RBBP5: variants seen among roughly 807,000 people sequenced by gnomAD.
The protein encoded by RBBP5 is retinoblastoma-binding protein 5.
In RBBP5, 5 loss-of-function variants were observed where a neutral mutation model predicts 72.2. The ratio of observed to expected loss-of-function variants is 0.07; its 90% CI spans 0.04 to 0.15. The LOEUF (loss-of-function observed/expected upper bound fraction) is 0.15. RBBP5 is among the 10% of genes least tolerant of loss of function. RBBP5 has a pLI of 1.00. For missense variants in RBBP5, 322 were observed against 652.2 expected (o/e 0.49, Z 5.51); for synonymous variants, 209 against 237.2 (o/e 0.88, Z 1.09).
chr1:205,089,300 C>T (rs1041095921), intron 13 of RBBP5, among the ~76,000 whole-genome samples: 5 of 152,138 alleles, frequency 3.3e-5, no homozygotes, highest in African/African-American at 1.2e-4. Flanking sequence ...ACCTTAGAAT[C>T]CCAAATATGG....
chr1:205,088,876 G>A, intron 13 of RBBP5, 61 bp from the exon 14 acceptor site: 1 of 1,440,914 alleles, frequency 6.9e-7, no homozygotes, highest in Middle Eastern at 1.7e-4. Flanking sequence ...TTACTTGTAA[G>A]AACAGAAATA....
At chr1:205,093,476 AAAAATATATATATATATATATATAT>A (rs1325177626) in intron 13 of RBBP5, among the ~76,000 whole-genome samples, 1 of 6,928 alleles carries the variant, frequency 1.4e-4, no homozygotes, top group Non-Finnish European at 3.2e-4. Context: ...AAAAAAAAAA[AAAAATATATATATATATATATATAT>A]ATATATATAT....
Position 205,103,940 on chromosome 1 carries a change from C to A in RBBP5, c.439G>T (p.Val147Leu). The A allele has an allele frequency of 6.2e-7, 1 of 1,614,152 alleles. No homozygotes were observed. The highest frequency in any genetic ancestry group is 8.5e-7 in the Non-Finnish European group (1 of 1,180,012). ...ACGTTCAAATCGGAGTCATCGTCCA[C>A]CGGCAGAACAACATGTTTGGAATCT... ...LSDSKHVVLP[V>L]DDDSDLNVVA... The change falls in exon 5 of 14, where the codon GTG becomes TTG. Residue 147 changes from valine to leucine, a missense_variant. Around this residue, in one of 6 missense-constraint regions of RBBP5, gnomAD observed 161 missense variants for 327.8 expected, o/e 0.49. Transcript: ENST00000264515.
In RBBP5 at chr1:205,099,589, G is replaced by C. The variant is rs1655743901; in HGVS notation, c.978+152C>G. The C allele has an allele frequency of 1.3e-6, 1 of 747,864 alleles. No individual in the cohort carries two copies. The highest frequency in any genetic ancestry group is 2.0e-6 in the Non-Finnish European group (1 of 488,088). 46.3% of individuals were successfully genotyped at this position (747,864 alleles called of 1,614,324 possible). On this transcript the variant is annotated intron_variant, in intron 9 of 13. Transcript: ENST00000264515. The surrounding 1 kb of genome is among the most constrained non-coding windows in gnomAD (Gnocchi z 4.7). ...ACCAAGACCTTCCCACCAAAATAAA[G>C]TGCAACTAGATGCACTGAACCTATG...
intron 3 of RBBP5, among the ~76,000 whole-genome samples, chr1:205,106,791 T>C (rs768296284): frequency 6.6e-6 from 1 of 152,218 alleles, no homozygotes; most frequent in Middle Eastern, 3.4e-3. Flanking sequence ...GCAGCCATCA[T>C]AAAAATGCTT....
intron 13 of RBBP5, 64 bp from the exon 14 acceptor site, chr1:205,088,879 C>G (rs1332552971): frequency 2.1e-6 from 3 of 1,426,138 alleles, no homozygotes; most frequent in Non-Finnish European, 9.6e-7. Flanking sequence ...CTTGTAAGAA[C>G]AGAAATACTG....
chr1:205,111,478 C>G (rs1190521065), intron 3 of RBBP5, among the ~76,000 whole-genome samples: 1 of 152,140 alleles, frequency 6.6e-6, no homozygotes, highest in Non-Finnish European at 1.5e-5. Context: ...CACCACTTCC[C>G]CCTCAAATCT....
chr1:205,115,193 T>C (rs1656473240), intron 2 of RBBP5, among the ~76,000 whole-genome samples: 1 of 152,228 alleles, frequency 6.6e-6, no homozygotes, highest in Admixed American at 6.5e-5. Flanking sequence ...ACATCACTAC[T>C]ATAACTTTGT....
At chr1:205,101,739 A>T (rs1655830762) in intron 5 of RBBP5, 30 bp from the exon 6 acceptor site, 1 of 1,473,500 alleles carries the variant, frequency 6.8e-7, no homozygotes, top group Non-Finnish European at 9.5e-7. Flanking sequence ...GGAAAAAAGT[A>T]AGTGTTCCAA....
At chr1:205,093,458 C>CCAAAAAAAAAAA (rs1553352080) in intron 13 of RBBP5, among the ~76,000 whole-genome samples, 1,398 of 18,310 alleles carry the variant, frequency 0.076, 491 homozygotes, top group Non-Finnish European at 0.087. Context: ...AACTCCGTTT[C>CCAAAAAAAAAAA]AAAAAAAAAA....
Position 205,088,810 on chromosome 1 carries a change from C to T in RBBP5, c.1594G>A (p.Gly532Arg), listed in dbSNP as rs1655224423. 6.3e-7 allele frequency: 1 copy of T among 1,584,594 alleles called. No homozygotes were observed. Among genetic ancestry groups the T allele is most frequent in the Non-Finnish European group, 8.6e-7 (1 of 1,167,482 alleles). ...CTTCATAACAGTTCTGAGATTGCTC[C>T]TCCTGCTAAAGAGATTAGACACAAA... ...AELSQPLTAG[G>R]AISELL The change falls in exon 14 of 14, where the codon GGA becomes AGA. Residue 532 changes from glycine to arginine, a missense_variant. This residue lies in a region of RBBP5 where 109 missense variants were observed against 146.3 expected (regional missense o/e 0.75). Transcript: ENST00000264515.
intron 5 of RBBP5, among the ~76,000 whole-genome samples, chr1:205,101,972 C>T (rs1234136462): frequency 6.7e-6 from 1 of 149,424 alleles, no homozygotes; most frequent in African/African-American, 2.5e-5. Context: ...TCTCGGCTCA[C>T]TGCAACCTCT....
chr1:205,093,479 AATATATATATATATAT>A (rs1204598107), intron 13 of RBBP5, among the ~76,000 whole-genome samples: 9 of 7,842 alleles, frequency 1.1e-3, no homozygotes, highest in Non-Finnish European at 1.8e-3. Context: ...AAAAAAAAAA[AATATATATATATATAT>A]ATATATATAT....
chr1:205,111,691 T>C (rs1345994113), intron 3 of RBBP5, among the ~76,000 whole-genome samples: 2 of 152,234 alleles, frequency 1.3e-5, no homozygotes, highest in Non-Finnish European at 2.9e-5. Flanking sequence ...CACTTACTGT[T>C]GCCCCTTCAA....
At position 205,121,719 on chromosome 1, in the gene RBBP5, T is replaced by C. The variant is rs1347706877; in HGVS notation, c.19+136A>G. 11 of 1,407,558 alleles carry C rather than the reference T, an allele frequency of 7.8e-6. No homozygotes were observed. In the Admixed American group the frequency reaches 1.9e-4, roughly 25 times the overall value. The allele number at this position is 1,407,558 out of a possible 1,614,324, so 87.2% of individuals were successfully genotyped here. A position where few individuals can be genotyped will look rare whatever the true frequency, so the allele number is the denominator to read the frequency against. On this transcript the variant is annotated intron_variant, in intron 1 of 13. Coordinates refer to ENST00000264515, the MANE Select transcript of RBBP5 (RefSeq NM_005057.4). ...AAGGTGGGCTTCCTCCTCCCGCTGCTGCTCCACATCAGGTGTGCCCAGTGA... is the reference window on the plus strand; with the variant it reads ...AAGGTGGGCTTCCTCCTCCCGCTGCCGCTCCACATCAGGTGTGCCCAGTGA...
intron 5 of RBBP5, 79 bp from the exon 6 acceptor site, chr1:205,101,788 C>T (rs1340196790): frequency 1.3e-5 from 13 of 998,658 alleles, no homozygotes; most frequent in South Asian, 1.2e-4. Flanking sequence ...TCTAATACTG[C>T]GTAAAGACTG....
chr1:205,107,050 ATATG>A (rs1174252953), intron 3 of RBBP5, among the ~76,000 whole-genome samples: 14 of 126,408 alleles, frequency 1.1e-4, no homozygotes, highest in South Asian at 2.2e-4. Context: ...ATATGTGTGT[ATATG>A]TATGTGTGTG....
intron 13 of RBBP5, 103 bp from the exon 14 acceptor site, chr1:205,088,918 G>A (rs1655230210): frequency 9.6e-6 from 10 of 1,039,888 alleles, no homozygotes; most frequent in South Asian, 1.7e-5. Flanking sequence ...ACAAGCACAC[G>A]TGGACCAAGA....
chr1:205,096,884 A>T lies in RBBP5; in HGVS notation c.1194T>A (p.Ala398=). 6.2e-7 allele frequency: 1 copy of T among 1,606,432 alleles called. No homozygotes were observed. The highest frequency in any genetic ancestry group is 8.5e-7 in the Non-Finnish European group (1 of 1,176,974). Residue 398 remains alanine, a synonymous_variant, in exon 12 of 14, where the codon GCT becomes GCA. Transcript: ENST00000264515. ...CAGGGGCAATGGGTAAATACAATAG[A>T]GCCTTTGAATCTTCCAGCTCTTCAT... ...SSDEELEDSK[A]LLYLPIAPEV... is the part of the protein sequence containing the mutation.
Sources: gnomAD v4.1 joint callset for allele counts (sites outside exome capture counted in the v4.1 genomes callset) on GRCh38, gnomAD v4.1.1 for gene constraint, gnomAD v4.1.1 regional missense constraint, Gnocchi (gnomAD v3.1) non-coding constraint, MANE v1.5 for transcripts, NCBI Gene and HGNC (gene_info 2026-07-23, HGNC 2026-07-21) for gene names.